Variants in TSHZ2 observed in about 807,000 individuals in gnomAD.
TSHZ2 encodes teashirt homolog 2.
TSHZ2 carries 21 observed loss-of-function variants against 74.4 expected under a neutral mutation model. That is an observed-to-expected ratio of 0.28 (90% CI 0.20 to 0.41). The LOEUF (loss-of-function observed/expected upper bound fraction) is 0.41, where lower values mean the gene tolerates loss of function less well. Among genes scored for constraint, TSHZ2 ranks in the 10% least tolerant of loss-of-function variants. TSHZ2 has a pLI of 1.00. For missense variants in TSHZ2, 1,244 were observed against 1,293.5 expected, an observed-to-expected ratio of 0.96 and a Z score of 0.59; for synonymous variants, 540 against 515.3, an observed-to-expected ratio of 1.05 and a Z score of -0.65.
intron 2 of TSHZ2, among the ~76,000 whole-genome samples, chr20:53,259,070 T>C (rs1990546038): frequency 6.6e-6 from 1 of 152,216 alleles, no homozygotes; most frequent in South Asian, 2.1e-4. Context: ...GGGTCCTCTT[T>C]TAGAACAATA....
At chr20:53,008,557 CTTT>C (rs34485556) in intron 1 of TSHZ2, among the ~76,000 whole-genome samples, 6 of 145,964 alleles carry the variant, frequency 4.1e-5, no homozygotes, top group Admixed American at 6.9e-5. Flanking sequence ...TTATAATCAC[CTTT>C]TTTTTTTTTT....
intron 2 of TSHZ2, among the ~76,000 whole-genome samples, chr20:53,402,991 C>G (rs1342190201): frequency 6.6e-6 from 1 of 152,104 alleles, no homozygotes; most frequent in Non-Finnish European, 1.5e-5. Context: ...AGGATTGTTA[C>G]CTGGGTATAT....
intron 2 of TSHZ2, among the ~76,000 whole-genome samples, chr20:53,335,502 C>A (rs79255890): frequency 0.036 from 5,514 of 152,334 alleles, 143 homozygotes; most frequent in Non-Finnish European, 0.055. Context: ...GCCCCAGACT[C>A]CTGGATGAGA....
chr20:53,170,454 T>C (rs1320516496), intron 1 of TSHZ2, among the ~76,000 whole-genome samples: 2 of 152,236 alleles, frequency 1.3e-5, no homozygotes, highest in South Asian at 2.1e-4. Context: ...TCTCCTAAGA[T>C]GAACCAGGGT....
intron 2 of TSHZ2, among the ~76,000 whole-genome samples, chr20:53,482,657 C>CTT (rs1986185463): frequency 6.6e-6 from 1 of 152,194 alleles, no homozygotes; most frequent in Non-Finnish European, 1.5e-5. Context: ...AATCCCAGCA[C>CTT]TTTGGGAGGC....
intron 2 of TSHZ2, among the ~76,000 whole-genome samples, chr20:53,397,362 G>A (rs1271468728): frequency 6.6e-6 from 1 of 152,148 alleles, no homozygotes; most frequent in Non-Finnish European, 1.5e-5. Flanking sequence ...GCAGCCAACA[G>A]ACACATGAAA....
chr20:53,001,205 CGTGTGTGTGTGTGTGT>C lies in TSHZ2; in HGVS notation c.40+27907_40+27922del, dbSNP rs558621179. Among the ~76,000 whole-genome samples the C allele has an allele frequency of 1.4e-3, 129 of 94,266 alleles. No homozygotes were observed. The East Asian group carries it at 0.02, about 15-fold the overall frequency. The allele number at this position is 94,266 out of a possible 152,430, so 61.8% of individuals were successfully genotyped here. A position where few individuals can be genotyped will look rare whatever the true frequency, so the allele number is the denominator to read the frequency against. On this transcript the variant is annotated intron_variant, in intron 1 of 2. Coordinates refer to ENST00000371497, the MANE Select transcript of TSHZ2 (RefSeq NM_173485.6). ...ACAATGTTGTGTGTGCGTTCATGTG[CGTGTGTGTGTGTGTGT>C]GTGTGTGTGTGTGTGTGTGTGTGTG... is the stretch of plus-strand genomic sequence containing the variant.
intron 1 of TSHZ2, among the ~76,000 whole-genome samples, chr20:53,007,622 TGTGA>T (rs907220152): frequency 2.0e-5 from 3 of 152,210 alleles, no homozygotes; most frequent in Non-Finnish European, 2.9e-5. Context: ...TGTGTGTGTG[TGTGA>T]GTATGTGTGT....
chr20:53,002,582 G>A (rs1982479615), intron 1 of TSHZ2, among the ~76,000 whole-genome samples: 1 of 151,742 alleles, frequency 6.6e-6, no homozygotes, highest in Non-Finnish European at 1.5e-5. Context: ...TACCTCTTAA[G>A]TGATGTTGCC....
Position 52,972,664 on chromosome 20 carries a change from C to G in TSHZ2, c.-630C>G, listed in dbSNP as rs540666750. 2.1e-5 allele frequency: 3 copies of G among 145,594 alleles called. No individual in the cohort carries two copies. The highest frequency in any genetic ancestry group is 7.8e-5 in the African/African-American group (3 of 38,400). The allele number at this position is 145,594 out of a possible 1,614,324, so 9.0% of individuals were successfully genotyped here. On this transcript the variant is annotated 5_prime_UTR_variant, in exon 1 of 3. Transcript: ENST00000371497. ...CAAACCTACAGTGAGTGATCGCTCT[C>G]CCCCCGGCACGAATCCGCCATAGAG...
rs933865298 is a variant in TSHZ2 at position 53,074,450 on chromosome 20, T to C, written c.40+101117T>C. Reference sequence around the variant, plus strand: ...AGAATACAAGTCAGAATGAGATGGATGCAGTACGAAGTGTAGAAATCCAAC... The same window carrying C: ...AGAATACAAGTCAGAATGAGATGGACGCAGTACGAAGTGTAGAAATCCAAC... On this transcript the variant is annotated intron_variant, in intron 1 of 2. Coordinates refer to ENST00000371497, the MANE Select transcript of TSHZ2 (RefSeq NM_173485.6). The surrounding 1 kb of genome is among the most constrained non-coding windows in gnomAD (Gnocchi z 5.9). Among the ~76,000 whole-genome samples, 2 of 152,196 alleles carry C rather than the reference T, an allele frequency of 1.3e-5. No individual in the cohort carries two copies. The highest frequency in any genetic ancestry group is 4.8e-5 in the African/African-American group (2 of 41,446).
intron 1 of TSHZ2, among the ~76,000 whole-genome samples, chr20:53,057,702 T>A (rs575380131): frequency 6.6e-6 from 1 of 152,314 alleles, no homozygotes. Flanking sequence ...GTATTCATAC[T>A]GCTTTAGCAG....
chr20:53,457,219 CCT>C (rs1985130117), intron 2 of TSHZ2, among the ~76,000 whole-genome samples: 1 of 145,706 alleles, frequency 6.9e-6, no homozygotes, highest in Admixed American at 6.9e-5. Context: ...TTGTTTGTAT[CCT>C]CTTTTATTTC....
chr20:53,065,949 T>C (rs1984970246), intron 1 of TSHZ2, among the ~76,000 whole-genome samples: 1 of 152,196 alleles, frequency 6.6e-6, no homozygotes, highest in East Asian at 1.9e-4. Context: ...CTGGGGGTCA[T>C]ACGTGGTTCT....
chr20:53,405,664 TGA>T lies in TSHZ2; in HGVS notation c.*9-81475_*9-81474del, dbSNP rs1204635512. ...TAAATAAGATAATTGCAGCTAGTGA[TGA>T]GAGACAAGAGGAAAAGATAGCAGAA... On this transcript the variant is annotated intron_variant, in intron 2 of 2. Coordinates refer to ENST00000371497, the MANE Select transcript of TSHZ2 (RefSeq NM_173485.6). Among the ~76,000 whole-genome samples, 13 of 152,198 alleles carry T rather than the reference TGA, an allele frequency of 8.5e-5. No homozygotes were observed. The East Asian group carries it at 2.3e-3, about 27-fold the overall frequency.
At chr20:52,999,692 C>T (rs998713118) in intron 1 of TSHZ2, among the ~76,000 whole-genome samples, 4 of 152,144 alleles carry the variant, frequency 2.6e-5, no homozygotes, top group African/African-American at 9.7e-5. Flanking sequence ...TCATCAGAAT[C>T]GCCTCTAGAG....
chr20:53,391,269 C>T (rs1233016041), intron 2 of TSHZ2, among the ~76,000 whole-genome samples: 1 of 152,114 alleles, frequency 6.6e-6, no homozygotes, highest in Non-Finnish European at 1.5e-5. Context: ...GCCTCAGCCT[C>T]CCGAGTAGCT....
intron 1 of TSHZ2, among the ~76,000 whole-genome samples, chr20:53,119,145 C>G (rs1381082259): frequency 2.0e-5 from 3 of 152,180 alleles, no homozygotes; most frequent in Non-Finnish European, 4.4e-5. Flanking sequence ...CTGCAATTTC[C>G]TAGGGACACA....
chr20:53,442,133 G>A (rs984097876), intron 2 of TSHZ2, among the ~76,000 whole-genome samples: 1 of 152,108 alleles, frequency 6.6e-6, no homozygotes, highest in African/African-American at 2.4e-5. Flanking sequence ...ATTTTATTTT[G>A]TATTTGTTGA....
Sources: allele counts gnomAD v4.1 joint callset (sites outside exome capture counted in the v4.1 genomes callset), GRCh38; gene constraint gnomAD v4.1.1; non-coding constraint Gnocchi (gnomAD v3.1); transcripts MANE v1.5; gene names NCBI Gene and HGNC (gene_info 2026-07-23, HGNC 2026-07-21).